KLHL3: variants seen among roughly 807,000 people sequenced by gnomAD.
KLHL3 encodes kelch like family member 3.
In KLHL3, 19 loss-of-function variants were observed where a neutral mutation model predicts 70.5. That is an observed-to-expected ratio of 0.27 (90% confidence interval 0.19 to 0.40). KLHL3 has a LOEUF of 0.40. KLHL3 is among the 10% of genes least tolerant of loss of function. The pLI is 1.00. For synonymous variants in KLHL3, 258 were observed against 290.3 expected, an observed-to-expected ratio of 0.89 and a Z score of 1.13; for missense variants, 512 against 771.1, an observed-to-expected ratio of 0.66 and a Z score of 3.98.
intron 10 of KLHL3, 60 bp downstream of exon 10, chr5:137,638,893 A>C: frequency 6.6e-7 from 1 of 1,515,670 alleles, no homozygotes; most frequent in Non-Finnish European, 9.1e-7. Flanking sequence ...TGAATAAAAC[A>C]GGGTTGCATG....
At chr5:137,713,658 C>T (rs898534088) in intron 2 of KLHL3, among the ~76,000 whole-genome samples, 1 of 152,028 alleles carries the variant, frequency 6.6e-6, no homozygotes, top group Non-Finnish European at 1.5e-5. Context: ...AAAGCACAAA[C>T]AATAAAAGAA....
intron 5 of KLHL3, among the ~76,000 whole-genome samples, chr5:137,691,807 C>T (rs1752329435): frequency 6.6e-6 from 1 of 150,972 alleles, no homozygotes; most frequent in Non-Finnish European, 1.5e-5. Context: ...TTAATAGAGA[C>T]GGGGGTTTCA....
chr5:137,653,885 A>G (rs1751273269), intron 8 of KLHL3, among the ~76,000 whole-genome samples: 1 of 152,236 alleles, frequency 6.6e-6, no homozygotes, highest in South Asian at 2.1e-4. Flanking sequence ...ACTATGGTCC[A>G]TCCATACAAT....
At position 137,637,373 on chromosome 5, in the gene KLHL3, G is replaced by A; in HGVS notation, c.1242C>T (p.Tyr414=). Residue 414 remains tyrosine, a synonymous_variant, in exon 11 of 15, where the codon TAC becomes TAT. Coordinates refer to ENST00000309755, the MANE Select transcript of KLHL3 (RefSeq NM_017415.3). ...GSTGLASVEA[Y]SYKTNEWFFV... ...AGAACCACTCGTTGGTCTTGTAGCT[G>A]TAGGCTTCCACCGATGCTAGGCCTG... 1.2e-6 allele frequency: 2 copies of A among 1,613,918 alleles called. No individual in the cohort carries two copies. Among genetic ancestry groups the A allele is most frequent in the South Asian group, 1.1e-5 (1 of 91,078 alleles).
chr5:137,695,561 G>T (rs1327106932), intron 4 of KLHL3, among the ~76,000 whole-genome samples: 1 of 152,140 alleles, frequency 6.6e-6, no homozygotes, highest in Non-Finnish European at 1.5e-5. Context: ...TGGGTCTCAG[G>T]GATAAATTAG....
At chr5:137,728,641 G>A (rs1456426463) in intron 1 of KLHL3, among the ~76,000 whole-genome samples, 1 of 152,102 alleles carries the variant, frequency 6.6e-6, no homozygotes, top group Admixed American at 6.6e-5. Context: ...CTATTGCTGA[G>A]GAAAATGGAG....
chr5:137,655,887 A>G (rs1751328809), intron 8 of KLHL3, among the ~76,000 whole-genome samples: 1 of 148,336 alleles, frequency 6.7e-6, no homozygotes, highest in South Asian at 2.3e-4. Context: ...GCTACTTGGG[A>G]GGCTGAGGTG....
Position 137,639,196 on chromosome 5 carries a change from A to G in KLHL3, c.1022-46T>C, listed in dbSNP as rs970316710. 8 of 1,579,316 alleles carry G rather than the reference A, an allele frequency of 5.1e-6. No homozygotes were observed. The highest frequency in any genetic ancestry group is 6.1e-6 in the Non-Finnish European group (7 of 1,154,406). Reference sequence around the variant, plus strand: ...ACATCAAGGTCAGGTCAGGCGCATGACTGCTCATGTTGATGGATGGCAATG... The same window carrying G: ...ACATCAAGGTCAGGTCAGGCGCATGGCTGCTCATGTTGATGGATGGCAATG... On this transcript the variant is annotated intron_variant, in intron 9 of 14. Transcript: ENST00000309755. This position sits in a 1 kb window ranked among gnomAD's most constrained non-coding sequence, Gnocchi z 5.0.
chr5:137,637,069 C>T (rs907791181), intron 11 of KLHL3, among the ~76,000 whole-genome samples: 2 of 152,210 alleles, frequency 1.3e-5, no homozygotes, highest in African/African-American at 2.4e-5. Context: ...GCTCCTTCTA[C>T]TCCCCCAGCC....
chr5:137,648,155 C>A (rs1382443539), intron 8 of KLHL3, among the ~76,000 whole-genome samples: 1 of 152,206 alleles, frequency 6.6e-6, no homozygotes, highest in African/African-American at 2.4e-5. Flanking sequence ...GTAAGTACCA[C>A]TAATTCTAGG....
chr5:137,640,677 A>T (rs889521188), intron 8 of KLHL3, among the ~76,000 whole-genome samples: 1 of 152,178 alleles, frequency 6.6e-6, no homozygotes, highest in African/African-American at 2.4e-5. Context: ...TCACACAGCT[A>T]AGAGTGTAGG....
At chr5:137,638,643 G>A (rs1750829448) in intron 10 of KLHL3, among the ~76,000 whole-genome samples, 1 of 152,122 alleles carries the variant, frequency 6.6e-6, no homozygotes, top group Admixed American at 6.5e-5. Context: ...GGAGACCTGA[G>A]GCACCCCCTA....
rs993813121 is a variant in KLHL3 at position 137,627,486 on chromosome 5, C to T, written c.1591+811G>A. 2.9e-3 allele frequency among the ~76,000 whole-genome samples: 374 copies of T among 131,012 alleles called. 45 individuals are homozygous for T. Among genetic ancestry groups the T allele is most frequent in the African/African-American group, 9.9e-3 (371 of 37,372 alleles). The allele number at this position is 131,012 out of a possible 152,430, so 85.9% of individuals were successfully genotyped here. On this transcript the variant is annotated intron_variant, in intron 13 of 14. Coordinates refer to ENST00000309755, the MANE Select transcript of KLHL3 (RefSeq NM_017415.3). ...ATTAGTAAATATCACCACCCCCCCC[C>T]CCGGTTTACACTTCCAAGTCAGCCA...
In KLHL3 at chr5:137,619,565, T is replaced by C. The variant is rs1384244787; in HGVS notation, c.*2533A>G. The C allele has an allele frequency of 6.6e-6, 1 of 152,582 alleles. No individual in the cohort carries two copies. The highest frequency in any genetic ancestry group is 1.5e-5 in the Non-Finnish European group (1 of 68,034). 9.5% of individuals were successfully genotyped at this position (152,582 alleles called of 1,614,324 possible). A position where few individuals can be genotyped will look rare whatever the true frequency, so the allele number is the denominator to read the frequency against. On this transcript the variant is annotated 3_prime_UTR_variant, in exon 15 of 15. Coordinates refer to ENST00000309755, the MANE Select transcript of KLHL3 (RefSeq NM_017415.3). The stretch of plus-strand genomic sequence containing the variant: ...CACGTGACCAGCACAAACTAGAAAA[T>C]AGCCTGCTGTGTCCACTGTGGAAAG...
intron 7 of KLHL3, 128 bp from the exon 8 acceptor site, chr5:137,658,408 A>C (rs1472458353): frequency 6.8e-6 from 6 of 881,500 alleles, no homozygotes; most frequent in African/African-American, 1.7e-5. Flanking sequence ...TCTCAGACCC[A>C]AAGAGTTACA....
intron 13 of KLHL3, among the ~76,000 whole-genome samples, chr5:137,627,734 C>T (rs1188917447): frequency 6.6e-6 from 1 of 152,170 alleles, no homozygotes; most frequent in Non-Finnish European, 1.5e-5. Flanking sequence ...AACCTAAATA[C>T]ACTACAGTAA....
Position 137,619,838 on chromosome 5 carries a change from G to A in KLHL3, c.*2260C>T, listed in dbSNP as rs1301588922. 2.6e-5 allele frequency: 4 copies of A among 152,550 alleles called. No individual in the cohort carries two copies. Among genetic ancestry groups the A allele is most frequent in the African/African-American group, 7.2e-5 (3 of 41,412 alleles). 9.4% of individuals were successfully genotyped at this position (152,550 alleles called of 1,614,324 possible). On this transcript the variant is annotated 3_prime_UTR_variant, in exon 15 of 15. Coordinates refer to ENST00000309755, the MANE Select transcript of KLHL3 (RefSeq NM_017415.3). ...CATGACTGGCTAGCTTTCAGTGGAGGGACCCTTCCCCGGAAGACGACACAT... is the reference window on the plus strand; with the variant it reads ...CATGACTGGCTAGCTTTCAGTGGAGAGACCCTTCCCCGGAAGACGACACAT...
At chr5:137,633,907 G>T in intron 12 of KLHL3, 130 bp downstream of exon 12, 2 of 1,215,332 alleles carry the variant, frequency 1.6e-6, no homozygotes, top group South Asian at 1.3e-5. Flanking sequence ...GCCCAAACTC[G>T]ACCATTATGC....
chr5:137,663,913 C>G (rs985717821), intron 6 of KLHL3, among the ~76,000 whole-genome samples: 2 of 152,066 alleles, frequency 1.3e-5, no homozygotes, highest in Admixed American at 1.3e-4. Context: ...GAAGGAGGGT[C>G]AGGGAATGGC....
Sources: gnomAD v4.1 joint callset for allele counts (sites outside exome capture counted in the v4.1 genomes callset) on GRCh38, gnomAD v4.1.1 for gene constraint, Gnocchi (gnomAD v3.1) non-coding constraint, MANE v1.5 for transcripts, NCBI Gene and HGNC (gene_info 2026-07-23, HGNC 2026-07-21) for gene names.